The following SYT14 variants were observed in gnomAD, a reference collection of about 807,000 sequenced individuals.
SYT14 encodes synaptotagmin-14.
In SYT14, 32 loss-of-function variants were observed where a neutral mutation model predicts 74.2. The ratio of observed to expected loss-of-function variants is 0.43; its 90% CI spans 0.33 to 0.58. The LOEUF is 0.58. Among genes scored for constraint, SYT14 ranks in the 20% least tolerant of loss-of-function variants. The pLI, the probability that SYT14 is intolerant of heterozygous loss-of-function variation, is 0.05. For missense variants in SYT14, 791 were observed against 981.8 expected, an observed-to-expected ratio of 0.81 and a Z score of 2.60; for synonymous variants, 298 against 337.7, an observed-to-expected ratio of 0.88 and a Z score of 1.29.
At chr1:210,146,795 A>G (rs1270026477) in intron 7 of SYT14, among the ~76,000 whole-genome samples, 1 of 150,970 alleles carries the variant, frequency 6.6e-6, no homozygotes, top group Non-Finnish European at 1.5e-5. Context: ...TACTATATGT[A>G]TGTAATATAT....
At chr1:210,162,123 T>C (rs1375439506) in exon 10 of SYT14, 2 of 437,862 alleles carry the variant, frequency 4.6e-6, no homozygotes, top group Admixed American at 2.4e-5. Context: ...TCAGTTTGAA[T>C]TGGAACATCA....
chr1:209,980,189 T>G (rs1289170080), intron 2 of SYT14, among the ~76,000 whole-genome samples: 1 of 152,242 alleles, frequency 6.6e-6, no homozygotes, highest in East Asian at 1.9e-4. Context: ...TGGTTTTGAT[T>G]TACATTTCTC....
At chr1:210,152,533 CA>C (rs1253852561) in intron 7 of SYT14, among the ~76,000 whole-genome samples, 1 of 151,888 alleles carries the variant, frequency 6.6e-6, no homozygotes, top group African/African-American at 2.4e-5. Context: ...GTCTTTTCAT[CA>C]TGTAATTCTT....
chr1:210,100,343 G>A (rs2082040822), exon 7 of SYT14: 2 of 1,613,868 alleles, frequency 1.2e-6, no homozygotes, highest in Non-Finnish European at 1.7e-6. Flanking sequence ...AGACTGTATG[G>A]TGTACATCGC....
chr1:209,991,070 G>A (rs541774102), intron 2 of SYT14, among the ~76,000 whole-genome samples: 1 of 152,190 alleles, frequency 6.6e-6, no homozygotes, highest in East Asian at 1.9e-4. Flanking sequence ...TAGGAAAATT[G>A]GATTGCCATA....
intron 5 of SYT14, among the ~76,000 whole-genome samples, chr1:210,058,314 G>A (rs889270566): frequency 6.6e-6 from 1 of 152,168 alleles, no homozygotes; most frequent in Non-Finnish European, 1.5e-5. Flanking sequence ...TGAGGTAGGG[G>A]GAGAAAGAGA....
intron 5 of SYT14, among the ~76,000 whole-genome samples, chr1:210,053,342 TA>T (rs546420891): frequency 8.3e-4 from 126 of 152,284 alleles, no homozygotes; most frequent in Admixed American, 3.1e-3. Flanking sequence ...TGTGCTGAAG[TA>T]ATAGTAGTGG....
intron 2 of SYT14, among the ~76,000 whole-genome samples, chr1:209,956,566 A>C (rs2078996527): frequency 6.6e-6 from 1 of 152,178 alleles, no homozygotes; most frequent in Admixed American, 6.5e-5. Context: ...CCATGTCAAT[A>C]ATTCAGTCAC....
intron 5 of SYT14, among the ~76,000 whole-genome samples, chr1:210,090,814 C>G (rs2081852277): frequency 6.6e-6 from 1 of 151,884 alleles, no homozygotes; most frequent in South Asian, 2.1e-4. Flanking sequence ...TAAGCCAACT[C>G]TTAGTACACT....
chr1:210,091,602 A>C (rs1351525167), intron 5 of SYT14, among the ~76,000 whole-genome samples: 40 of 152,138 alleles, frequency 2.6e-4, no homozygotes, highest in Non-Finnish European at 4.4e-5. Context: ...AGGAGGGAGG[A>C]TCACTTGAGC....
At chr1:210,076,802 A>G (rs1190456012) in intron 5 of SYT14, among the ~76,000 whole-genome samples, 1 of 152,164 alleles carries the variant, frequency 6.6e-6, no homozygotes, top group East Asian at 1.9e-4. Flanking sequence ...CACTATCACG[A>G]GAACAGCACC....
At chr1:210,107,950 A>C (rs1377239542) in intron 7 of SYT14, among the ~76,000 whole-genome samples, 1 of 152,154 alleles carries the variant, frequency 6.6e-6, no homozygotes, top group Non-Finnish European at 1.5e-5. Flanking sequence ...ATGGAGGGTC[A>C]GAAAGGGCCA....
At chr1:209,986,470 G>A (rs182445241) in intron 2 of SYT14, among the ~76,000 whole-genome samples, 9 of 151,998 alleles carry the variant, frequency 5.9e-5, no homozygotes, top group East Asian at 3.9e-4. Flanking sequence ...AAAATTAGCC[G>A]GGCGAGGTGG....
chr1:210,096,655 GT>G (rs969432366), intron 6 of SYT14, among the ~76,000 whole-genome samples: 1 of 152,192 alleles, frequency 6.6e-6, no homozygotes, highest in Non-Finnish European at 1.5e-5. Flanking sequence ...GCACACACTT[GT>G]TTGCTTTGTG....
At chr1:210,075,929 T>A (rs2081492917) in intron 5 of SYT14, among the ~76,000 whole-genome samples, 1 of 152,238 alleles carries the variant, frequency 6.6e-6, no homozygotes, top group South Asian at 2.1e-4. Context: ...GTGTATTTTT[T>A]AAATATTAAG....
intron 1 of SYT14, among the ~76,000 whole-genome samples, chr1:209,948,257 T>A (rs571144235): frequency 9.8e-5 from 15 of 152,362 alleles, no homozygotes; most frequent in African/African-American, 3.6e-4. Context: ...TGTACATATG[T>A]TGTAATGATC....
chr1:210,067,114 T>C (rs543306702), intron 5 of SYT14, among the ~76,000 whole-genome samples: 5 of 152,152 alleles, frequency 3.3e-5, no homozygotes, highest in African/African-American at 9.6e-5. Context: ...CATACACATA[T>C]GGTTTTGTTT....
chr1:210,107,907 G>GT (rs1355362870), intron 7 of SYT14, among the ~76,000 whole-genome samples: 1 of 151,628 alleles, frequency 6.6e-6, no homozygotes. Context: ...TTCTGTCTTT[G>GT]TTTTTTTATG....
At chr1:210,149,620 A>G (rs931851840) in intron 7 of SYT14, among the ~76,000 whole-genome samples, 4 of 152,126 alleles carry the variant, frequency 2.6e-5, no homozygotes, top group South Asian at 2.1e-4. Flanking sequence ...TAGATATGTT[A>G]ATTTTTAGTG....
Sources: allele counts gnomAD v4.1 joint callset (sites outside exome capture counted in the v4.1 genomes callset), GRCh38; gene constraint gnomAD v4.1.1; transcripts MANE v1.5; gene names NCBI Gene and HGNC (gene_info 2026-07-23, HGNC 2026-07-21).